The following CSF2RB variants were observed in gnomAD, a reference collection of about 807,000 sequenced individuals.
CSF2RB encodes colony stimulating factor 2 receptor subunit beta, also known as cytokine receptor common subunit beta.
Under a neutral mutation model 67.2 loss-of-function variants are expected in CSF2RB, and 22 were observed. That is an observed-to-expected ratio of 0.33 (90% confidence interval 0.23 to 0.47). The LOEUF is 0.47. Ranked by LOEUF, CSF2RB falls within the 20% of genes least tolerant of loss-of-function variation. CSF2RB has a pLI of 1.00. For synonymous variants in CSF2RB, 507 were observed against 482.9 expected, an observed-to-expected ratio of 1.05 and a Z score of -0.65; for missense variants, 1,113 against 1,174.5, an observed-to-expected ratio of 0.95 and a Z score of 0.76.
intron 1 of CSF2RB, among the ~76,000 whole-genome samples, chr22:36,920,175 A>G (rs1305657828): frequency 3.3e-5 from 5 of 152,200 alleles, no homozygotes; most frequent in Non-Finnish European, 7.3e-5. Context: ...ACACTGCAAT[A>G]TTGTCAGCCA....
chr22:36,932,113 T>G (rs1394631556), intron 8 of CSF2RB, among the ~76,000 whole-genome samples: 1 of 152,188 alleles, frequency 6.6e-6, no homozygotes, highest in African/African-American at 2.4e-5. Context: ...GAATAATTCA[T>G]GTAGAATAAG....
rs1164088705 is a variant in CSF2RB, at chr22:36,939,158, T to TGA, written c.*661_*662dup. On this transcript the variant is annotated 3_prime_UTR_variant, in exon 14 of 14. Coordinates refer to ENST00000403662, the MANE Select transcript of CSF2RB (RefSeq NM_000395.3). ...GGGGGGGCGGTGCAAGGGACGCACA[T>TGA]GAGAGACTGTTTGGGAGCTTCTGGG... is the stretch of plus-strand genomic sequence containing the variant. 2 of 702,086 alleles carry TGA rather than the reference T, an allele frequency of 2.8e-6. No individual in the cohort carries two copies. Among genetic ancestry groups the TGA allele is most frequent in the African/African-American group, 1.7e-5 (1 of 57,166 alleles). The allele number at this position is 702,086 out of a possible 1,614,324, so 43.5% of individuals were successfully genotyped here.
intron 1 of CSF2RB, among the ~76,000 whole-genome samples, chr22:36,920,691 C>T (rs1489983872): frequency 1.3e-5 from 2 of 152,176 alleles, no homozygotes; most frequent in Admixed American, 6.5e-5. Flanking sequence ...GTACTTCTGC[C>T]AGCCTTTGTC....
At chr22:36,929,948 C>T (rs923786681) in intron 6 of CSF2RB, 141 bp downstream of exon 6, 49 of 1,150,236 alleles carry the variant, frequency 4.3e-5, no homozygotes, top group African/African-American at 1.4e-4. Flanking sequence ...GTCCCTGGGC[C>T]GTCCCACCTC....
intron 4 of CSF2RB, among the ~76,000 whole-genome samples, chr22:36,926,788 T>C (rs1941026818): frequency 6.6e-6 from 1 of 152,208 alleles, no homozygotes; most frequent in Non-Finnish European, 1.5e-5. Context: ...TAGAAAGAAA[T>C]ATAACCTGCA....
intron 10 of CSF2RB, among the ~76,000 whole-genome samples, chr22:36,934,433 G>C (rs1601591914): frequency 6.6e-6 from 1 of 152,220 alleles, no homozygotes; most frequent in Admixed American, 6.5e-5. Context: ...GAGCAGAGGA[G>C]AGCAGGTCTC....
intron 1 of CSF2RB, among the ~76,000 whole-genome samples, chr22:36,915,569 T>C (rs1269606671): frequency 2.6e-5 from 4 of 152,148 alleles, no homozygotes; most frequent in African/African-American, 7.2e-5. Flanking sequence ...ACACCACAAT[T>C]CATCTAATCT....
Position 36,935,356 on chromosome 22 carries a change from C to A in CSF2RB, c.1321C>A (p.Pro441Thr). 6.2e-7 allele frequency: 1 copy of A among 1,614,174 alleles called. No individual in the cohort carries two copies. The highest frequency in any genetic ancestry group is 1.1e-5 in the South Asian group (1 of 91,078). ...TTCTCCCCGGCTGCTGGAAGTGCTG[C>A]CTATGTGGGTGCTGGCCCTCATCGT... Reference protein sequence around the residue: ...ARSWDTESVLPMWVLALIVIF... With the variant: ...ARSWDTESVLTMWVLALIVIF... The change falls in exon 11 of 14, where the codon CCT becomes ACT. Residue 441 changes from proline to threonine, a missense_variant. Physicochemically the swap from Pro to Thr is conservative, Grantham distance 38. Coordinates refer to ENST00000403662, the MANE Select transcript of CSF2RB (RefSeq NM_000395.3).
chr22:36,923,149 C>T, intron 2 of CSF2RB, 95 bp from the exon 3 acceptor site: 1 of 1,592,832 alleles, frequency 6.3e-7, no homozygotes, highest in Non-Finnish European at 8.6e-7. Flanking sequence ...TGGGAGACCC[C>T]TCCCCAGAGC....
At chr22:36,920,579 C>T (rs1940834302) in intron 1 of CSF2RB, among the ~76,000 whole-genome samples, 1 of 152,196 alleles carries the variant, frequency 6.6e-6, no homozygotes, top group African/African-American at 2.4e-5. Flanking sequence ...TTACAGTAGC[C>T]TAACGGATGA....
rs747969899 is a variant in CSF2RB, at chr22:36,930,757, C to G, written c.939C>G (p.Pro313=). ...ACTGCCAGATTCCCGTGCCCGACCC[C>G]GCGACCCACGGCCAATACATCGTCT... ...RHHCQIPVPD[P]ATHGQYIVSV... Residue 313 remains proline (P), a synonymous_variant, in exon 8 of 14, where the codon CCC becomes CCG. Coordinates refer to ENST00000403662, the MANE Select transcript of CSF2RB (RefSeq NM_000395.3). The G allele has an allele frequency of 6.2e-7, 1 of 1,613,992 alleles. No homozygotes were observed. The highest frequency in any genetic ancestry group is 2.2e-5 in the East Asian group (1 of 44,876).
chr22:36,928,388 A>C (rs541682715), intron 4 of CSF2RB, among the ~76,000 whole-genome samples: 1 of 152,114 alleles, frequency 6.6e-6, no homozygotes, highest in Non-Finnish European at 1.5e-5. Context: ...CTGGGAGTGC[A>C]GTGACCCATG....
At position 36,940,330 on chromosome 22, in the gene CSF2RB, A is replaced by G. The variant is rs2145833840; in HGVS notation, c.*1828A>G. 6.6e-6 allele frequency: 1 copy of G among 152,376 alleles called. No individual in the cohort carries two copies. The highest frequency in any genetic ancestry group is 2.4e-5 in the African/African-American group (1 of 41,584). The allele number at this position is 152,376 out of a possible 1,614,324, so 9.4% of individuals were successfully genotyped here. ...TGTAAAGTAGAATCCTCTGTTCATAATGAACAAGATGAACCAATGTGGATT... is the reference window on the plus strand; with the variant it reads ...TGTAAAGTAGAATCCTCTGTTCATAGTGAACAAGATGAACCAATGTGGATT... On this transcript the variant is annotated 3_prime_UTR_variant, in exon 14 of 14. Transcript: ENST00000403662.
rs770031885 is a variant in CSF2RB at position 36,936,606 on chromosome 22, C to T, written c.1522C>T (p.Pro508Ser). The change falls in exon 13 of 14, where the codon CCC (proline) becomes TCC (serine). Residue 508 changes from proline to serine, a missense_variant. Coordinates refer to ENST00000403662, the MANE Select transcript of CSF2RB (RefSeq NM_000395.3). ...CATGTCGGCCTTCACTAGCGGGAGT[C>T]CCCCACACCAGGGGCCGTGGGGCAG... ...GSMSAFTSGS[P>S]PHQGPWGSRF... The T allele has an allele frequency of 2.9e-5, 47 of 1,613,630 alleles. 1 individual carries two copies. In the Middle Eastern group the frequency reaches 6.8e-4, roughly 23 times the overall value.
intron 8 of CSF2RB, 122 bp downstream of exon 8, chr22:36,930,952 G>A: frequency 8.1e-7 from 1 of 1,230,832 alleles, no homozygotes; most frequent in Non-Finnish European, 1.2e-6. Flanking sequence ...TCAAAGAGAT[G>A]CAGTCCAGTG....
chr22:36,929,498 G>C lies in CSF2RB; in HGVS notation c.488G>C (p.Trp163Ser), dbSNP rs1311807167. Residue 163 changes from tryptophan to serine, a missense_variant, in exon 5 of 14, where the codon TGG becomes TCG. By Grantham distance (177) the Trp-to-Ser change is radical (BLOSUM62 -3). Transcript: ENST00000403662. ...GCCCTTGGGAGTCCCCAGAGCCACT[G>C]GTTGTCCCCAGGGGATCTGGAGTTT... ...SVALGSPQSH[W>S]LSPGDLEFEV... 6.2e-7 allele frequency: 1 copy of C among 1,614,110 alleles called. No homozygotes were observed. Among genetic ancestry groups the C allele is most frequent in the African/African-American group, 1.3e-5 (1 of 74,940 alleles).
At chr22:36,924,812 G>T (rs559476616) in intron 3 of CSF2RB, among the ~76,000 whole-genome samples, 1 of 152,038 alleles carries the variant, frequency 6.6e-6, no homozygotes, top group African/African-American at 2.4e-5. Flanking sequence ...CTCACCCAGT[G>T]CCCCCGGGGC....
chr22:36,918,886 C>A (rs996462692), intron 1 of CSF2RB, among the ~76,000 whole-genome samples: 2 of 152,190 alleles, frequency 1.3e-5, no homozygotes, highest in Admixed American at 6.5e-5. Context: ...CTCAAGGTAA[C>A]CTCATGGTCC....
chr22:36,933,847 A>T lies in CSF2RB; in HGVS notation c.1168A>T (p.Thr390Ser), dbSNP rs1257902847. Reference protein sequence around the residue: ...TATWKDSKTETLQNAHSMALP... With the variant: ...TATWKDSKTESLQNAHSMALP... ...CAACCCACAGGACAGCAAGACCGAG[A>T]CCCTCCAGAACGCCCACAGCATGGC... The change falls in exon 10 of 14, where the codon ACC becomes TCC. Residue 390 changes from threonine (T) to serine (S), a missense_variant. This residue lies in a region of CSF2RB where 559 missense variants were observed against 656.5 expected (regional missense o/e 0.85). Transcript: ENST00000403662. 1 of 1,608,746 alleles carries T rather than the reference A, an allele frequency of 6.2e-7. No homozygotes were observed. The highest frequency in any genetic ancestry group is 1.3e-5 in the African/African-American group (1 of 74,922).
Sources: gnomAD v4.1 joint callset for allele counts (sites outside exome capture counted in the v4.1 genomes callset) on GRCh38, gnomAD v4.1.1 for gene constraint, gnomAD v4.1.1 regional missense constraint, MANE v1.5 for transcripts, NCBI Gene and HGNC (gene_info 2026-07-23, HGNC 2026-07-21) for gene names.